BPTF: variants seen among roughly 807,000 people sequenced by gnomAD.
BPTF encodes the protein nucleosome-remodeling factor subunit BPTF.
In BPTF, 18 loss-of-function variants were observed where a neutral mutation model predicts 292.5. The ratio of observed to expected loss-of-function variants is 0.06; its 90% CI spans 0.04 to 0.09. The LOEUF is 0.09. Ranked by LOEUF, BPTF falls within the 10% of genes least tolerant of loss-of-function variation. The probability of loss-of-function intolerance (pLI) is 1.00; values close to 1 mark genes in which losing one functional copy is unlikely to be tolerated. For missense variants in BPTF, 2,726 were observed against 3,498.7 expected (o/e 0.78, Z 5.57); for synonymous variants, 1,225 against 1,251.9 (o/e 0.98, Z 0.45).
chr17:67,915,848 C>CA (rs1204069636), intron 11 of BPTF, among the ~76,000 whole-genome samples: 1 of 152,176 alleles, frequency 6.6e-6, no homozygotes, highest in Non-Finnish European at 1.5e-5. Flanking sequence ...CATAGTCTAA[C>CA]ACATAGAAGA....
chr17:67,919,207 A>G (rs1159137425), intron 12 of BPTF, among the ~76,000 whole-genome samples: 1 of 143,254 alleles, frequency 7.0e-6, no homozygotes, highest in Non-Finnish European at 1.5e-5. Flanking sequence ...TAATAATAAT[A>G]ATAATAATAA....
At chr17:67,896,773 A>G (rs1424554917) in intron 7 of BPTF, among the ~76,000 whole-genome samples, 1 of 152,238 alleles carries the variant, frequency 6.6e-6, no homozygotes, top group East Asian at 1.9e-4. Context: ...AGTACTACAT[A>G]CATTGAAATT....
rs1401995481 is a variant in BPTF at position 67,982,786 on chromosome 17, TATC to T, written c.*501_*503del. On this transcript the variant is annotated 3_prime_UTR_variant, in exon 28 of 28. Transcript: ENST00000306378. The stretch of plus-strand genomic sequence containing the variant: ...CGGTTACATATAATCATCTGTATCT[TATC>T]ATGATTCCTGTAGGTAAAAGTACAA... 1 of 153,056 alleles carries T rather than the reference TATC, an allele frequency of 6.5e-6. No individual in the cohort carries two copies. The highest frequency in any genetic ancestry group is 2.4e-5 in the African/African-American group (1 of 41,464). 9.5% of individuals were successfully genotyped at this position (153,056 alleles called of 1,614,324 possible).
Position 67,903,855 on chromosome 17 carries a change from G to A in BPTF, c.2610G>A (p.Gln870=), listed in dbSNP as rs907475254. The change falls in exon 8 of 28, where the codon CAG becomes CAA. Residue 870 remains glutamine, a synonymous_variant. Coordinates refer to ENST00000306378, the MANE Select transcript of BPTF (RefSeq NM_182641.4). ...AAGTCAAAAAAAAAGAGAAGAAACA[G>A]GAAGAAGAAGAAACGATGCAGCAAG... The part of the protein sequence containing the change: ...KEKVKKKEKK[Q]EEEETMQQAT... 1.9e-6 allele frequency: 3 copies of A among 1,593,524 alleles called. No individual in the cohort carries two copies. Among genetic ancestry groups the A allele is most frequent in the East Asian group, 4.5e-5 (2 of 44,326 alleles).
Position 67,913,147 on chromosome 17 carries a change from C to G in BPTF, c.5263C>G (p.Pro1755Ala). 6.2e-7 allele frequency: 1 copy of G among 1,612,850 alleles called. No individual in the cohort carries two copies. Among genetic ancestry groups the G allele is most frequent in the Non-Finnish European group, 8.5e-7 (1 of 1,179,576 alleles). The change falls in exon 11 of 28, where the codon CCA (proline) becomes GCA (alanine). Residue 1755 changes from proline to alanine, a missense_variant. By Grantham distance (27) the Pro-to-Ala change is conservative. Coordinates refer to ENST00000306378, the MANE Select transcript of BPTF (RefSeq NM_182641.4). ...TGCAAAACCTGCTTTGGATATATGG[C>G]CATATCCTTCTCCTAGACCGACCTT... ...YNAKPALDIWPYPSPRPTFGI... is the reference protein window; with the variant it reads ...YNAKPALDIWAYPSPRPTFGI...
At chr17:67,940,237 G>T (rs2065256585) in intron 18 of BPTF, among the ~76,000 whole-genome samples, 1 of 152,140 alleles carries the variant, frequency 6.6e-6, no homozygotes, top group Non-Finnish European at 1.5e-5. Context: ...CTGGATAACG[G>T]TTGGCAGTGA....
At chr17:67,837,428 G>A (rs1377725330) in intron 1 of BPTF, among the ~76,000 whole-genome samples, 1 of 149,746 alleles carries the variant, frequency 6.7e-6, no homozygotes, top group Non-Finnish European at 1.5e-5. Context: ...TTTTTTTTGA[G>A]ATGGAGTCTT....
At chr17:67,889,160 G>A (rs1016791494) in intron 4 of BPTF, among the ~76,000 whole-genome samples, 1 of 152,140 alleles carries the variant, frequency 6.6e-6, no homozygotes, top group African/African-American at 2.4e-5. Context: ...TGCATCACAA[G>A]GATCCACTGC....
At position 67,983,961 on chromosome 17, in the gene BPTF, AT is replaced by A. The variant is rs1555698016; in HGVS notation, c.*1674del. The stretch of plus-strand genomic sequence containing the variant: ...AGCCCATTCCTTTTTGTACATAAAG[AT>A]GTCACTTAAACTTATGCTTACAAAC... On this transcript the variant is annotated 3_prime_UTR_variant, in exon 28 of 28. Coordinates refer to ENST00000306378, the MANE Select transcript of BPTF (RefSeq NM_182641.4). 6.6e-6 allele frequency: 1 copy of A among 152,564 alleles called. No homozygotes were observed. The allele number at this position is 152,564 out of a possible 1,614,324, so 9.5% of individuals were successfully genotyped here.
intron 1 of BPTF, among the ~76,000 whole-genome samples, chr17:67,835,668 T>TC (rs1222208202): frequency 1.0e-5 from 1 of 97,336 alleles, no homozygotes; most frequent in Non-Finnish European, 2.3e-5. Flanking sequence ...TGGTAATTTT[T>TC]TTTTTTTTTT....
chr17:67,854,804 T>C lies in BPTF; in HGVS notation c.1436+42T>C, dbSNP rs942590920. On this transcript the variant is annotated intron_variant, in intron 2 of 27. Transcript: ENST00000306378. This position sits in a 1 kb window ranked among gnomAD's most constrained non-coding sequence, Gnocchi z 5.6. ...TTAATTTTTTGTATGCATTTAAAAT[T>C]AGACTAGTTTCCTTCGTGATTGATG... 7.0e-7 allele frequency: 1 copy of C among 1,428,810 alleles called. No individual in the cohort carries two copies. The highest frequency in any genetic ancestry group is 1.4e-5 in the African/African-American group (1 of 70,504). 88.5% of individuals were successfully genotyped at this position (1,428,810 alleles called of 1,614,324 possible).
At chr17:67,976,620 A>G (rs2069455963) in intron 27 of BPTF, among the ~76,000 whole-genome samples, 1 of 148,766 alleles carries the variant, frequency 6.7e-6, no homozygotes, top group Admixed American at 6.8e-5. Context: ...CAGGAGTTCA[A>G]GGCTGCCGTG....
intron 8 of BPTF, 143 bp downstream of exon 8, chr17:67,904,061 C>T (rs2062021404): frequency 1.2e-6 from 1 of 806,410 alleles, no homozygotes; most frequent in Non-Finnish European, 1.8e-6. Context: ...CAGAGTCTCG[C>T]TCTGTTGCCC....
intron 7 of BPTF, among the ~76,000 whole-genome samples, chr17:67,901,320 C>T (rs62085985): frequency 2.0e-4 from 30 of 149,546 alleles, no homozygotes; most frequent in African/African-American, 7.4e-4. Context: ...AAAAAAAACC[C>T]AGAACCCTAA....
At chr17:67,885,771 G>T (rs1269122766) in intron 4 of BPTF, among the ~76,000 whole-genome samples, 2 of 152,144 alleles carry the variant, frequency 1.3e-5, no homozygotes, top group Non-Finnish European at 2.9e-5. Flanking sequence ...AACTACCTCT[G>T]CAATATCTGG....
At chr17:67,910,828 C>T (rs1446125185) in intron 10 of BPTF, 49 bp from the exon 11 acceptor site, 2 of 1,332,326 alleles carry the variant, frequency 1.5e-6, no homozygotes, top group Non-Finnish European at 2.0e-6. Flanking sequence ...ATATAAATTC[C>T]TCCTTTCAGA....
Position 67,912,718 on chromosome 17 carries a change from A to C in BPTF, c.4834A>C (p.Thr1612Pro). The change falls in exon 11 of 28, where the codon ACT (threonine) becomes CCT (proline). Residue 1612 changes from threonine to proline, a missense_variant. Coordinates refer to ENST00000306378, the MANE Select transcript of BPTF (RefSeq NM_182641.4). ...CAAGGTAGAAAAAGGCGATAAGCAAACTGTGGTTTCTTCCACAGAAAATTG... is the reference window on the plus strand; with the variant it reads ...CAAGGTAGAAAAAGGCGATAAGCAACCTGTGGTTTCTTCCACAGAAAATTG... ...VIKVEKGDKQ[T>P]VVSSTENCAK... 6.2e-7 allele frequency: 1 copy of C among 1,614,094 alleles called. No individual in the cohort carries two copies.
chr17:67,908,284 A>C (rs1245686495), intron 9 of BPTF, among the ~76,000 whole-genome samples: 3 of 151,604 alleles, frequency 2.0e-5, no homozygotes, highest in African/African-American at 7.3e-5. Flanking sequence ...TCAGTCTCCC[A>C]AGTAGCTGGG....
intron 1 of BPTF, among the ~76,000 whole-genome samples, chr17:67,846,615 C>T (rs922403723): frequency 3.9e-5 from 6 of 152,144 alleles, no homozygotes; most frequent in Non-Finnish European, 8.8e-5. Flanking sequence ...TCTCAAATTC[C>T]CTTTCACTGA....
Sources: gnomAD v4.1 joint callset for allele counts (sites outside exome capture counted in the v4.1 genomes callset) on GRCh38, gnomAD v4.1.1 for gene constraint, Gnocchi (gnomAD v3.1) non-coding constraint, MANE v1.5 for transcripts, NCBI Gene and HGNC (gene_info 2026-07-23, HGNC 2026-07-21) for gene names.